Variants in EML2 observed in about 807,000 individuals in gnomAD.
EML2 encodes EMAP like 2.
Under a neutral mutation model 84.7 loss-of-function variants are expected in EML2, and 59 were observed. The observed-to-expected ratio is 0.70, with a 90% CI of 0.56 to 0.86. The LOEUF (loss-of-function observed/expected upper bound fraction) is 0.86. Among genes scored for constraint, EML2 ranks in the 40% least tolerant of loss-of-function variants. The pLI is 0.00. For missense variants in EML2, 818 were observed against 855.6 expected, an observed-to-expected ratio of 0.96 and a Z score of 0.55; for synonymous variants, 352 against 348.9, an observed-to-expected ratio of 1.01 and a Z score of -0.10.
rs576339357 is a variant in EML2, at chr19:45,624,658, G to T, written c.841+61C>A. 7.2e-5 allele frequency: 92 copies of T among 1,270,474 alleles called. No individual in the cohort carries two copies. In the South Asian group the frequency reaches 1.0e-3, roughly 14 times the overall value. The allele number at this position is 1,270,474 out of a possible 1,614,324, so 78.7% of individuals were successfully genotyped here. On this transcript the variant is annotated intron_variant, in intron 9 of 18. Transcript: ENST00000245925. The stretch of plus-strand genomic sequence containing the variant: ...CACAAGCAGAATTCCACGAAGGGAG[G>T]CAGAGCCAGGAGTGTTTCAGAAGAC...
intron 8 of EML2, among the ~76,000 whole-genome samples, chr19:45,625,572 C>T (rs887073766): frequency 2.0e-5 from 3 of 152,214 alleles, no homozygotes; most frequent in African/African-American, 7.2e-5. Context: ...CTCCTGTCGG[C>T]GCCTCATTCA....
intron 18 of EML2, among the ~76,000 whole-genome samples, chr19:45,612,818 A>C (rs1350364631): frequency 1.3e-5 from 2 of 152,188 alleles, no homozygotes; most frequent in African/African-American, 4.8e-5. Context: ...TATGCATGAA[A>C]ATTTCCTAGG....
At position 45,612,029 on chromosome 19, in the gene EML2, G is replaced by C. The variant is rs1240091811; in HGVS notation, c.1824+1512C>G. ...TGGGATTACAGGCGTGCACCACCAG[G>C]CTTGGCTAATTTTTGTATTTTTGTA... On this transcript the variant is annotated intron_variant, in intron 18 of 18. Coordinates refer to ENST00000245925, the MANE Select transcript of EML2 (RefSeq NM_012155.4). 2.0e-5 allele frequency among the ~76,000 whole-genome samples: 3 copies of C among 151,788 alleles called. No individual in the cohort carries two copies. In the East Asian group the frequency reaches 5.8e-4, roughly 29 times the overall value.
At chr19:45,616,325 T>C in intron 15 of EML2, 136 bp downstream of exon 15, 4 of 643,018 alleles carry the variant, frequency 6.2e-6, no homozygotes, top group East Asian at 2.7e-5. Flanking sequence ...TGTGTGGACG[T>C]GGCCAAGACT....
chr19:45,639,449 C>T (rs1193242701), upstream of EML2: 5 of 1,232,484 alleles, frequency 4.1e-6, no homozygotes, highest in African/African-American at 1.6e-5. Flanking sequence ...CCCTGGGAGG[C>T]GCCCGGGCCG....
chr19:45,632,740 A>G (rs1210876904), intron 6 of EML2, 121 bp downstream of exon 6: 5 of 808,178 alleles, frequency 6.2e-6, no homozygotes, highest in Non-Finnish European at 9.9e-6. Flanking sequence ...GACGTCACAG[A>G]GGCGGGCCAC....
intron 9 of EML2, 93 bp downstream of exon 9, chr19:45,624,626 C>G: frequency 2.3e-6 from 2 of 888,788 alleles, no homozygotes; most frequent in South Asian, 3.1e-5. Context: ...CATTTACACT[C>G]ATTTCACACA....
intron 16 of EML2, 136 bp downstream of exon 16, chr19:45,615,666 T>G: frequency 1.4e-6 from 1 of 701,618 alleles, no homozygotes; most frequent in South Asian, 1.8e-5. Context: ...AAGCCAGCGG[T>G]CCCTAAATTC....
chr19:45,621,737 C>T, intron 9 of EML2, 100 bp from the exon 10 acceptor site: 3 of 1,309,840 alleles, frequency 2.3e-6, no homozygotes, highest in South Asian at 1.5e-5. Context: ...TCCATTCTCA[C>T]CCACTTTTCC....
chr19:45,621,446 C>T (rs1218587904), intron 10 of EML2, 37 bp downstream of exon 10: 3 of 1,593,622 alleles, frequency 1.9e-6, no homozygotes, highest in Non-Finnish European at 2.6e-6. Flanking sequence ...CGGGGGGGGC[C>T]TCTCTACCCC....
At chr19:45,635,895 G>A (rs1289824293) in intron 3 of EML2, among the ~76,000 whole-genome samples, 1 of 151,890 alleles carries the variant, frequency 6.6e-6, no homozygotes, top group Non-Finnish European at 1.5e-5. Flanking sequence ...CCCGGGCTAT[G>A]TCTGTTTCTT....
At chr19:45,613,486 T>C in intron 18 of EML2, 55 bp downstream of exon 18, 2 of 1,594,918 alleles carry the variant, frequency 1.3e-6, no homozygotes, top group Non-Finnish European at 8.6e-7. Flanking sequence ...GCCTGAATTT[T>C]GTCCCCACCC....
chr19:45,619,419 TTTC>T (rs1273807167), intron 11 of EML2: 2 of 390,774 alleles, frequency 5.1e-6, no homozygotes, highest in African/African-American at 2.0e-5. Flanking sequence ...GGACCTCTGC[TTTC>T]TTCTTTGCAC....
intron 9 of EML2, 101 bp from the exon 10 acceptor site, chr19:45,621,738 C>G (rs1971741341): frequency 7.7e-7 from 1 of 1,304,206 alleles, no homozygotes; most frequent in Admixed American, 2.7e-5. Context: ...CCATTCTCAC[C>G]CACTTTTCCA....
chr19:45,626,519 T>C (rs372918837), intron 8 of EML2, among the ~76,000 whole-genome samples, 186 bp downstream of exon 8: 19 of 151,514 alleles, frequency 1.3e-4, no homozygotes, highest in African/African-American at 3.9e-4. Context: ...GTCACCCTCT[T>C]AACTCCAGAG....
chr19:45,633,869 C>G (rs1973386187), intron 4 of EML2, among the ~76,000 whole-genome samples: 1 of 152,210 alleles, frequency 6.6e-6, no homozygotes, highest in South Asian at 2.1e-4. Flanking sequence ...CTTGGCCTCC[C>G]AAAGTGCTGC....
chr19:45,629,890 C>G lies in EML2; in HGVS notation c.606+61G>C, dbSNP rs567604709. ...CTATCTGATTGCAGACTCCTAACCA[C>G]TGAGATTGGGAAAGTCCCACAGTGG... is the stretch of plus-strand genomic sequence containing the variant. On this transcript the variant is annotated intron_variant, in intron 7 of 18. Coordinates refer to ENST00000245925, the MANE Select transcript of EML2 (RefSeq NM_012155.4). 148 of 1,335,432 alleles carry G rather than the reference C, an allele frequency of 1.1e-4. 3 individuals are homozygous for G. In the Admixed American group the frequency reaches 1.9e-3, roughly 18 times the overall value. 82.7% of individuals were successfully genotyped at this position (1,335,432 alleles called of 1,614,324 possible).
chr19:45,642,336 G>A, upstream of EML2: 1 of 1,532,504 alleles, frequency 6.5e-7, no homozygotes, highest in Non-Finnish European at 8.7e-7. Context: ...TACCGCTCGT[G>A]CCCGACAAAT....
At chr19:45,610,827 G>A (rs761824700) in intron 18 of EML2, among the ~76,000 whole-genome samples, 8 of 152,110 alleles carry the variant, frequency 5.3e-5, no homozygotes, top group Non-Finnish European at 8.8e-5. Flanking sequence ...GCGATAGAGG[G>A]AGACTCTGTC....
Sources: gnomAD v4.1 joint callset for allele counts (sites outside exome capture counted in the v4.1 genomes callset) on GRCh38, gnomAD v4.1.1 for gene constraint, MANE v1.5 for transcripts, NCBI Gene and HGNC (gene_info 2026-07-23, HGNC 2026-07-21) for gene names.